C3orf52: variants seen among roughly 807,000 people sequenced by gnomAD.
C3orf52 encodes the protein TPA-induced transmembrane protein.
In C3orf52, 22 loss-of-function variants were observed where a neutral mutation model predicts 24.8. That is an observed-to-expected ratio of 0.89 (90% CI 0.63 to 1.27). The LOEUF is 1.27. C3orf52 is among the 50% of genes most tolerant of loss of function. The pLI is 0.00. For missense variants in C3orf52, 265 were observed against 260.7 expected, an observed-to-expected ratio of 1.02 and a Z score of -0.11; for synonymous variants, 93 against 100.2, an observed-to-expected ratio of 0.93 and a Z score of 0.43.
intron 4 of C3orf52, chr3:112,112,109 T>C (rs1231316670): frequency 6.6e-6 from 1 of 152,254 alleles, no homozygotes; most frequent in Non-Finnish European, 1.5e-5. Context: ...TGCTCATTAT[T>C]TTATTGCTGG....
At chr3:112,091,725 C>A (rs979161747) in intron 1 of C3orf52, among the ~76,000 whole-genome samples, 4 of 152,182 alleles carry the variant, frequency 2.6e-5, no homozygotes, top group African/African-American at 9.7e-5. Flanking sequence ...GCAGAGAAGG[C>A]CAGTCGCGGT....
At position 112,117,013 on chromosome 3, in the gene C3orf52, C is replaced by T. The variant is rs568445751; in HGVS notation, c.*367C>T. ...CTGTCGCTTAGCTGGAGTGCGGTGG[C>T]GTGATCATGGCACTGCTATTCTTGA... is the stretch of plus-strand genomic sequence containing the variant. On this transcript the variant is annotated 3_prime_UTR_variant, in exon 6 of 6. Coordinates refer to ENST00000264848, the MANE Select transcript of C3orf52 (RefSeq NM_024616.3). 15 of 1,263,384 alleles carry T rather than the reference C, an allele frequency of 1.2e-5. No individual in the cohort carries two copies. Among genetic ancestry groups the T allele is most frequent in the Middle Eastern group, 2.7e-4 (1 of 3,756 alleles). The allele number at this position is 1,263,384 out of a possible 1,614,324, so 78.3% of individuals were successfully genotyped here. A position where few individuals can be genotyped will look rare whatever the true frequency, so the allele number is the denominator to read the frequency against.
At position 112,091,524 on chromosome 3, in the gene C3orf52, C is replaced by T. The variant is rs1257200834; in HGVS notation, c.139-1836C>T. 1.8e-4 allele frequency among the ~76,000 whole-genome samples: 28 copies of T among 152,134 alleles called. 2 individuals are homozygous for T. The highest frequency in any genetic ancestry group is 1.8e-3 in the Admixed American group (28 of 15,278). On this transcript the variant is annotated intron_variant, in intron 1 of 5. Transcript: ENST00000264848. ...CCTCAGACCAGAGGTCTGCCATGGC[C>T]TCCTCCCACCTCCCTTACAATCTGG...
downstream of C3orf52, chr3:112,130,604 C>T (rs1356654870): frequency 7.9e-6 from 9 of 1,132,942 alleles, no homozygotes; most frequent in Admixed American, 3.4e-5. Flanking sequence ...CTCATTTCTG[C>T]TATTTGTGTG....
chr3:112,127,678 G>A (rs939988888), intron 4 of C3orf52, among the ~76,000 whole-genome samples: 4 of 152,146 alleles, frequency 2.6e-5, no homozygotes, highest in Non-Finnish European at 5.9e-5. Context: ...CTATCACCCC[G>A]ACTATAAGTT....
chr3:112,125,258 G>C (rs778872303), intron 4 of C3orf52: 1 of 1,569,136 alleles, frequency 6.4e-7, no homozygotes, highest in Non-Finnish European at 8.8e-7. Flanking sequence ...CTTTCATCTG[G>C]AGAAAGAAAA....
Position 112,109,618 on chromosome 3 carries a change from G to C in C3orf52, c.467+5G>C. ...AGTTGAAATAGTGGACTTCAGGTAA[G>C]AGTGTGGAACATTACATTTTGCTCT... On this transcript the variant is annotated splice_donor_5th_base_variant and intron_variant, in intron 4 of 5. Transcript: ENST00000264848. 2 of 1,567,268 alleles carry C rather than the reference G, an allele frequency of 1.3e-6. No homozygotes were observed. Among genetic ancestry groups the C allele is most frequent in the South Asian group, 1.1e-5 (1 of 89,448 alleles).
At chr3:112,124,616 T>A (rs935460283) in intron 4 of C3orf52, among the ~76,000 whole-genome samples, 3 of 152,022 alleles carry the variant, frequency 2.0e-5, no homozygotes, top group Non-Finnish European at 4.4e-5. Flanking sequence ...CTCCAAAAAA[T>A]AAATAAATAA....
chr3:112,123,121 A>G (rs1449945708), downstream of C3orf52: 1 of 294,864 alleles, frequency 3.4e-6, no homozygotes, highest in Non-Finnish European at 6.4e-6. Flanking sequence ...AACACTTTAT[A>G]AGAAGATCCC....
intron 5 of C3orf52, among the ~76,000 whole-genome samples, chr3:112,115,113 G>A (rs2074122590): frequency 6.6e-6 from 1 of 152,214 alleles, no homozygotes; most frequent in Non-Finnish European, 1.5e-5. Flanking sequence ...GACGGGACAT[G>A]CTGAGAAAAT....
At chr3:112,121,779 C>A, downstream of C3orf52, 1 of 152,336 alleles carries the variant, frequency 6.6e-6, no homozygotes. Context: ...ACCTGTGACA[C>A]ATGCAAGCTC....
Position 112,117,943 on chromosome 3 carries a change from A to G in C3orf52, c.*1297A>G, listed in dbSNP as rs568149522. On this transcript the variant is annotated 3_prime_UTR_variant, in exon 6 of 6. Coordinates refer to ENST00000264848, the MANE Select transcript of C3orf52 (RefSeq NM_024616.3). Reference sequence around the variant, plus strand: ...CGAGCCAGAGTGTCTGCCTCAGACTAGATTTGACTTGAGTTCTTTATGACC... The same window carrying G: ...CGAGCCAGAGTGTCTGCCTCAGACTGGATTTGACTTGAGTTCTTTATGACC... The G allele has an allele frequency of 3.3e-5, 5 of 152,242 alleles. No homozygotes were observed. Among genetic ancestry groups the G allele is most frequent in the Admixed American group, 6.5e-5 (1 of 15,280 alleles). 9.4% of individuals were successfully genotyped at this position (152,242 alleles called of 1,614,324 possible).
At position 112,117,377 on chromosome 3, in the gene C3orf52, C is replaced by T. The variant is rs113457864; in HGVS notation, c.*731C>T. ...ATCTATGTATATAGCTAGTTACAGA[C>T]GGGAGCTATGTGTTTCTTCATTATT... On this transcript the variant is annotated 3_prime_UTR_variant, in exon 6 of 6. Transcript: ENST00000264848. 2.3e-5 allele frequency: 4 copies of T among 176,222 alleles called. No individual in the cohort carries two copies. Among genetic ancestry groups the T allele is most frequent in the South Asian group, 1.9e-4 (1 of 5,196 alleles). The allele number at this position is 176,222 out of a possible 1,614,324, so 10.9% of individuals were successfully genotyped here.
At chr3:112,123,811 C>G in intron 4 of C3orf52, 3 of 1,584,990 alleles carry the variant, frequency 1.9e-6, no homozygotes, top group Non-Finnish European at 2.6e-6. Context: ...GATTTGGTCT[C>G]TTGCCATGAC....
intron 2 of C3orf52, among the ~76,000 whole-genome samples, chr3:112,100,959 G>T (rs1220210058): frequency 6.6e-6 from 1 of 152,088 alleles, no homozygotes; most frequent in African/African-American, 2.4e-5. Flanking sequence ...ATCAAGTATA[G>T]GAGGAAAAAA....
chr3:112,095,078 ACAT>A (rs1452102347), intron 2 of C3orf52, among the ~76,000 whole-genome samples: 2 of 152,184 alleles, frequency 1.3e-5, no homozygotes, highest in East Asian at 3.8e-4. Flanking sequence ...AACTTTGATG[ACAT>A]CAGCCAACCT....
chr3:112,133,068 C>A, downstream of C3orf52: 1 of 1,611,438 alleles, frequency 6.2e-7, no homozygotes, highest in Non-Finnish European at 8.5e-7. Context: ...CTCCTCTGCT[C>A]TCCCACAGGG....
chr3:112,119,597 T>C (rs2074170063), downstream of C3orf52: 1 of 696,674 alleles, frequency 1.4e-6, no homozygotes, highest in Non-Finnish European at 2.6e-6. Context: ...TACATGTGAA[T>C]TCTGGACATG....
chr3:112,105,780 G>A (rs894166233), intron 3 of C3orf52, among the ~76,000 whole-genome samples: 4 of 144,040 alleles, frequency 2.8e-5, no homozygotes, highest in African/African-American at 7.9e-5. Flanking sequence ...CCGAGACCGT[G>A]CCACTGCACT....
Sources: gnomAD v4.1 joint callset for allele counts (sites outside exome capture counted in the v4.1 genomes callset) on GRCh38, gnomAD v4.1.1 for gene constraint, MANE v1.5 for transcripts, NCBI Gene and HGNC (gene_info 2026-07-23, HGNC 2026-07-21) for gene names.